The following PPP6R2 variants were observed in gnomAD, a reference collection of about 807,000 sequenced individuals.
PPP6R2 encodes the protein protein phosphatase 6 regulatory subunit 2, also known as serine/threonine-protein phosphatase 6 regulatory subunit 2.
PPP6R2 carries 62 observed loss-of-function variants against 100.2 expected under a neutral mutation model. That is an observed-to-expected ratio of 0.62 (90% CI 0.50 to 0.76). The LOEUF (loss-of-function observed/expected upper bound fraction) is 0.76, where lower values mean the gene tolerates loss of function less well. PPP6R2 is among the 30% of genes least tolerant of loss of function. The pLI is 0.00. For missense variants in PPP6R2, 1,142 were observed against 1,276.3 expected (o/e 0.89, Z 1.60); for synonymous variants, 525 against 514.7 (o/e 1.02, Z -0.27).
chr22:50,370,454 AT>A (rs1029345649), intron 1 of PPP6R2, among the ~76,000 whole-genome samples: 1 of 138,816 alleles, frequency 7.2e-6, no homozygotes. Context: ...CGCCCAGCTA[AT>A]TTTTTGTGTT....
intron 3 of PPP6R2, among the ~76,000 whole-genome samples, chr22:50,402,814 A>G (rs1156612723): frequency 1.3e-5 from 2 of 152,216 alleles, no homozygotes; most frequent in Admixed American, 6.5e-5. Context: ...TAACTGTAAA[A>G]TGTTGATAAA....
intron 1 of PPP6R2, among the ~76,000 whole-genome samples, chr22:50,367,155 C>T (rs118069320): frequency 0.015 from 2,242 of 151,988 alleles, 21 homozygotes; most frequent in East Asian, 0.031. Context: ...GATGTGGGAG[C>T]GGAGGATGCC....
rs528386816 is a variant in PPP6R2 at position 50,435,154 on chromosome 22, T to C, written c.1516+73T>C. On this transcript the variant is annotated intron_variant, in intron 13 of 23. Coordinates refer to ENST00000612753, the MANE Select transcript of PPP6R2 (RefSeq NM_001242898.2). ...CCCCGAAGGAGCTGCCGCCTGAGAC[T>C]AAGCTCTGCCCGGCAGCAGGTGCTG... 404 of 1,268,398 alleles carry C rather than the reference T, an allele frequency of 3.2e-4. 3 individuals carry two copies. In the African/African-American group the frequency reaches 5.5e-3, roughly 17 times the overall value. 78.6% of individuals were successfully genotyped at this position (1,268,398 alleles called of 1,614,324 possible). A position where few individuals can be genotyped will look rare whatever the true frequency, so the allele number is the denominator to read the frequency against.
At position 50,423,718 on chromosome 22, in the gene PPP6R2, C is replaced by T; in HGVS notation, c.1125+104C>T. The T allele has an allele frequency of 2.1e-6, 3 of 1,424,050 alleles. No individual in the cohort carries two copies. Among genetic ancestry groups the T allele is most frequent in the Non-Finnish European group, 2.9e-6 (3 of 1,042,568 alleles). The allele number at this position is 1,424,050 out of a possible 1,614,324, so 88.2% of individuals were successfully genotyped here. On this transcript the variant is annotated intron_variant, in intron 10 of 23. Coordinates refer to ENST00000612753, the MANE Select transcript of PPP6R2 (RefSeq NM_001242898.2). This position sits in a 1 kb window ranked among gnomAD's most constrained non-coding sequence, Gnocchi z 4.8. ...GCAGGGCCCCAGCATTTGGACAAAG[C>T]TCTGCCACGGGGAGGTTCCAGTCCC...
At chr22:50,378,774 G>C (rs1450595960) in intron 2 of PPP6R2, among the ~76,000 whole-genome samples, 2 of 151,830 alleles carry the variant, frequency 1.3e-5, no homozygotes. Flanking sequence ...CACCTACTTG[G>C]GTGGCTGAGG....
intron 1 of PPP6R2, among the ~76,000 whole-genome samples, chr22:50,352,292 A>T (rs550779336): frequency 6.6e-6 from 1 of 152,302 alleles, no homozygotes; most frequent in South Asian, 2.1e-4. Context: ...GTGGCTTCTT[A>T]AACCTCATGA....
chr22:50,397,426 G>A (rs1400486925), intron 3 of PPP6R2, among the ~76,000 whole-genome samples: 1 of 152,218 alleles, frequency 6.6e-6, no homozygotes, highest in Non-Finnish European at 1.5e-5. Context: ...GTCTAAAATT[G>A]GTGAACAAAG....
At chr22:50,437,959 G>C in intron 17 of PPP6R2, 59 bp downstream of exon 17, 1 of 1,564,046 alleles carries the variant, frequency 6.4e-7, no homozygotes, top group Non-Finnish European at 8.7e-7. Flanking sequence ...CTCAGGCCAT[G>C]CCCATGGCTC....
chr22:50,371,684 G>C (rs538801045), intron 1 of PPP6R2, among the ~76,000 whole-genome samples: 4 of 152,054 alleles, frequency 2.6e-5, no homozygotes, highest in African/African-American at 9.6e-5. Flanking sequence ...TGGTCACCCA[G>C]GCTGGAGTGC....
At chr22:50,370,145 CTTTTTT>C (rs58582498) in intron 1 of PPP6R2, among the ~76,000 whole-genome samples, 1 of 151,226 alleles carries the variant, frequency 6.6e-6, no homozygotes, top group Non-Finnish European at 1.5e-5. Flanking sequence ...GTGATCGACA[CTTTTTT>C]TTTATTTTGA....
At position 50,402,093 on chromosome 22, in the gene PPP6R2, C is replaced by G. The variant is rs2058144309; in HGVS notation, c.228-4596C>G. On this transcript the variant is annotated intron_variant, in intron 3 of 23. Transcript: ENST00000612753. ...CTCTACACTTGCTCTCCTCCGTGTG[C>G]CTTGTTTTCTGCTTGGTCAGCACCA... Among the ~76,000 whole-genome samples the G allele has an allele frequency of 3.3e-5, 5 of 152,020 alleles. 1 individual carries two copies. In the South Asian group the frequency reaches 1.0e-3, roughly 32 times the overall value.
chr22:50,437,149 C>A (rs1287556926), intron 15 of PPP6R2, 81 bp downstream of exon 15: 12 of 1,326,324 alleles, frequency 9.0e-6, no homozygotes, highest in Non-Finnish European at 1.3e-5. Flanking sequence ...CCAGACGAGT[C>A]TGATGGCATC....
intron 14 of PPP6R2, 22 bp downstream of exon 14, chr22:50,436,474 C>G: frequency 6.4e-7 from 1 of 1,565,558 alleles, no homozygotes; most frequent in Non-Finnish European, 8.7e-7. Flanking sequence ...CGGGGCTGCC[C>G]CCTCGGTGCA....
At chr22:50,369,672 A>AT (rs1283096425) in intron 1 of PPP6R2, among the ~76,000 whole-genome samples, 1 of 151,840 alleles carries the variant, frequency 6.6e-6, no homozygotes, top group East Asian at 1.9e-4. Flanking sequence ...CGCCCGGCTA[A>AT]TTTTTTGTGT....
chr22:50,431,437 T>C lies in PPP6R2; in HGVS notation c.1335+55T>C. 1.3e-6 allele frequency: 2 copies of C among 1,506,574 alleles called. No homozygotes were observed. Among genetic ancestry groups the C allele is most frequent in the East Asian group, 4.6e-5 (2 of 43,526 alleles). The allele number at this position is 1,506,574 out of a possible 1,614,324, so 93.3% of individuals were successfully genotyped here. A position where few individuals can be genotyped will look rare whatever the true frequency, so the allele number is the denominator to read the frequency against. On this transcript the variant is annotated intron_variant, in intron 11 of 23. Transcript: ENST00000612753. This position sits in a 1 kb window ranked among gnomAD's most constrained non-coding sequence, Gnocchi z 4.8. ...CGCCAACTGCGCCCCACTCAGACCG[T>C]GTCCATGTCAGCGCTGACGTGTGCC...
chr22:50,392,517 C>G (rs1407606474), intron 2 of PPP6R2, among the ~76,000 whole-genome samples: 1 of 152,200 alleles, frequency 6.6e-6, no homozygotes, highest in Admixed American at 6.5e-5. Context: ...GTGTATAGAT[C>G]GGAGGCTGCA....
At chr22:50,342,497 G>A (rs1043738134), upstream of PPP6R2, among the ~76,000 whole-genome samples, 1 of 152,166 alleles carries the variant, frequency 6.6e-6, no homozygotes. Context: ...TACCGACAAA[G>A]CCTAACAGCG....
chr22:50,353,365 C>A (rs2045740606), intron 1 of PPP6R2, among the ~76,000 whole-genome samples: 1 of 152,028 alleles, frequency 6.6e-6, no homozygotes, highest in African/African-American at 2.4e-5. Context: ...AGTAGGGAGC[C>A]CTGAGGAGAG....
intron 4 of PPP6R2, among the ~76,000 whole-genome samples, chr22:50,411,812 G>T (rs992737126): frequency 6.6e-6 from 1 of 151,940 alleles, no homozygotes; most frequent in African/African-American, 2.4e-5. Flanking sequence ...TTGGGAGGCC[G>T]AGGCGGGCGG....
Sources: gnomAD v4.1 joint callset for allele counts (sites outside exome capture counted in the v4.1 genomes callset) on GRCh38, gnomAD v4.1.1 for gene constraint, Gnocchi (gnomAD v3.1) non-coding constraint, MANE v1.5 for transcripts, NCBI Gene and HGNC (gene_info 2026-07-23, HGNC 2026-07-21) for gene names.